CCDC85A: variants seen among roughly 807,000 people sequenced by gnomAD.
The protein encoded by CCDC85A is coiled-coil domain-containing protein 85A.
Under a neutral mutation model 50.2 loss-of-function variants are expected in CCDC85A, and 38 were observed. The observed-to-expected ratio is 0.76, with a 90% CI of 0.58 to 0.99. CCDC85A has a LOEUF of 0.99. Among genes scored for constraint, CCDC85A ranks in the 50% least tolerant of loss-of-function variants. CCDC85A has a pLI of 0.00. For missense variants in CCDC85A, 820 were observed against 742.0 expected, an observed-to-expected ratio of 1.11 and a Z score of -1.22; for synonymous variants, 366 against 301.4, an observed-to-expected ratio of 1.21 and a Z score of -2.22.
intron 2 of CCDC85A, among the ~76,000 whole-genome samples, chr2:56,255,544 G>C (rs1669946360): frequency 6.6e-6 from 1 of 152,134 alleles, no homozygotes; most frequent in African/African-American, 2.4e-5. Context: ...AGGAGCAAAG[G>C]ATAGTGATTG....
At chr2:56,309,455 GTTTA>G (rs1310637663) in intron 2 of CCDC85A, among the ~76,000 whole-genome samples, 1 of 152,148 alleles carries the variant, frequency 6.6e-6, no homozygotes, top group Admixed American at 6.6e-5. Flanking sequence ...TATAGTGATA[GTTTA>G]TTTAATGTCA....
chr2:56,336,907 A>G (rs13393981), intron 2 of CCDC85A, among the ~76,000 whole-genome samples: 33,750 of 152,084 alleles, frequency 0.22, 3,911 homozygotes, highest in Admixed American at 0.27. Context: ...AGAATTTAGT[A>G]TTTATCTATG....
intron 2 of CCDC85A, among the ~76,000 whole-genome samples, chr2:56,330,730 T>C (rs993439386): frequency 6.6e-6 from 1 of 152,140 alleles, no homozygotes. Context: ...ATTTCCCCCA[T>C]TTGAAAAACT....
At position 56,318,602 on chromosome 2, in the gene CCDC85A, A is replaced by T. The variant is rs1345764924; in HGVS notation, c.1241-24277A>T. 4.3e-4 allele frequency among the ~76,000 whole-genome samples: 65 copies of T among 152,142 alleles called. 1 individual carries two copies. The highest frequency in any genetic ancestry group is 4.3e-3 in the Admixed American group (65 of 15,242). The stretch of plus-strand genomic sequence containing the variant: ...ACATTCAAATATTTATTGCATAAAT[A>T]TACTGTTTATTGATGAAATTTTTTG... On this transcript the variant is annotated intron_variant, in intron 2 of 5. Coordinates refer to ENST00000407595, the MANE Select transcript of CCDC85A (RefSeq NM_001080433.2).
At chr2:56,273,542 A>C (rs759095832) in intron 2 of CCDC85A, among the ~76,000 whole-genome samples, 5 of 152,130 alleles carry the variant, frequency 3.3e-5, no homozygotes, top group Non-Finnish European at 7.4e-5. Context: ...GAAAATGATC[A>C]ATCAAGTATG....
intron 2 of CCDC85A, among the ~76,000 whole-genome samples, chr2:56,325,177 A>G (rs1415155871): frequency 6.6e-6 from 1 of 152,152 alleles, no homozygotes; most frequent in Non-Finnish European, 1.5e-5. Flanking sequence ...TAGTGTAAGC[A>G]GAATAAAATT....
chr2:56,332,686 T>C (rs552932977), intron 2 of CCDC85A, among the ~76,000 whole-genome samples: 24 of 124,938 alleles, frequency 1.9e-4, no homozygotes, highest in Admixed American at 3.5e-4. Flanking sequence ...CCCCCCCTTT[T>C]CCCCCCTCTC....
At chr2:56,369,243 A>G (rs1675956624) in intron 3 of CCDC85A, among the ~76,000 whole-genome samples, 1 of 152,156 alleles carries the variant, frequency 6.6e-6, no homozygotes, top group Admixed American at 6.5e-5. Flanking sequence ...TCATTTACAT[A>G]TATAGCTCAT....
rs72916173 is a variant in CCDC85A, at chr2:56,366,511, C to A, written c.1318-5833C>A. On this transcript the variant is annotated intron_variant, in intron 3 of 5. Coordinates refer to ENST00000407595, the MANE Select transcript of CCDC85A (RefSeq NM_001080433.2). ...TTTTCTCTTGATTAGAACTGTTCAG[C>A]ATTTTTGCATAAATCCTTTGCTATT... 7.0e-3 allele frequency among the ~76,000 whole-genome samples: 1,060 copies of A among 152,262 alleles called. 10 individuals carry two copies. The highest frequency in any genetic ancestry group is 0.024 in the African/African-American group (983 of 41,566).
chr2:56,288,690 G>C (rs1671558939), intron 2 of CCDC85A, among the ~76,000 whole-genome samples: 1 of 147,410 alleles, frequency 6.8e-6, no homozygotes, highest in Admixed American at 7.0e-5. Flanking sequence ...TTCCCACCAT[G>C]CCCCCCCCAC....
intron 2 of CCDC85A, among the ~76,000 whole-genome samples, chr2:56,236,353 T>A (rs1165442593): frequency 1.3e-5 from 2 of 152,122 alleles, no homozygotes; most frequent in Non-Finnish European, 2.9e-5. Flanking sequence ...CAGATCAGAA[T>A]GTTGAGAGAG....
chr2:56,218,559 A>G (rs1342406983), intron 2 of CCDC85A, among the ~76,000 whole-genome samples: 6 of 151,942 alleles, frequency 3.9e-5, no homozygotes, highest in African/African-American at 1.2e-4. Flanking sequence ...TAAGGTAATA[A>G]TCACCAACTT....
chr2:56,379,787 G>A, intron 5 of CCDC85A: 1 of 985,002 alleles, frequency 1.0e-6, no homozygotes. Context: ...CGTCAACAGG[G>A]TAAAGAGTAT....
chr2:56,286,500 A>G (rs1465652072), intron 2 of CCDC85A, among the ~76,000 whole-genome samples: 3 of 152,202 alleles, frequency 2.0e-5, no homozygotes, highest in South Asian at 2.1e-4. Flanking sequence ...GTAGTCTTCA[A>G]TCTGCTACTA....
chr2:56,373,568 A>T (rs1676188765), intron 4 of CCDC85A, among the ~76,000 whole-genome samples: 1 of 152,210 alleles, frequency 6.6e-6, no homozygotes. Flanking sequence ...GGTATTATTG[A>T]TACGCTTATC....
intron 2 of CCDC85A, among the ~76,000 whole-genome samples, chr2:56,289,253 A>G (rs1671591003): frequency 6.6e-6 from 1 of 151,920 alleles, no homozygotes; most frequent in South Asian, 2.1e-4. Context: ...TATTCTACCT[A>G]TGCTTATTGG....
chr2:56,223,259 A>G (rs895575877), intron 2 of CCDC85A, among the ~76,000 whole-genome samples: 1 of 152,128 alleles, frequency 6.6e-6, no homozygotes, highest in African/African-American at 2.4e-5. Context: ...GTTAGCAAAC[A>G]TTTTCTGTAA....
intron 2 of CCDC85A, among the ~76,000 whole-genome samples, chr2:56,331,911 C>T (rs1411385056): frequency 2.6e-5 from 4 of 152,278 alleles, no homozygotes; most frequent in African/African-American, 9.6e-5. Context: ...AAAAAATGCC[C>T]TTTTGATATG....
At chr2:56,296,589 C>T (rs1038079458) in intron 2 of CCDC85A, among the ~76,000 whole-genome samples, 6 of 152,024 alleles carry the variant, frequency 3.9e-5, no homozygotes, top group Non-Finnish European at 8.8e-5. Context: ...GTTTGATGCA[C>T]CTTAAGCAGG....
Sources: gnomAD v4.1 joint callset for allele counts (sites outside exome capture counted in the v4.1 genomes callset) on GRCh38, gnomAD v4.1.1 for gene constraint, MANE v1.5 for transcripts, NCBI Gene and HGNC (gene_info 2026-07-23, HGNC 2026-07-21) for gene names.